Variants in VWA8 observed in about 807,000 individuals in gnomAD.
VWA8 encodes von Willebrand factor A domain-containing protein 8.
VWA8 carries 221 observed loss-of-function variants against 241.5 expected under a neutral mutation model. The observed-to-expected ratio is 0.91, with a 90% CI of 0.82 to 1.02. The LOEUF is 1.02. Ranked by LOEUF, VWA8 falls within the 50% of genes least tolerant of loss-of-function variation. The probability of loss-of-function intolerance (pLI) is 0.00; values close to 1 mark genes in which losing one functional copy is unlikely to be tolerated. For missense variants in VWA8, 2,322 were observed against 2,328.7 expected (o/e 1.00, Z 0.06); for synonymous variants, 852 against 827.1 (o/e 1.03, Z -0.52).
rs1378120667 is a variant in VWA8, at chr13:41,947,951, AAACAAAAC to A, written c.241+1977_241+1984del. On this transcript the variant is annotated intron_variant, in intron 2 of 44. Transcript: ENST00000379310. ...TGTCTCAAAAAAAAAAAAAAAAAAA[AAACAAAAC>A]AAAACATTTTGGTAATTCCTTGAAA... is the stretch of plus-strand genomic sequence containing the variant. Among the ~76,000 whole-genome samples, 195 of 130,866 alleles carry A rather than the reference AAACAAAAC, an allele frequency of 1.5e-3. 5 individuals are homozygous for A. Among genetic ancestry groups the A allele is most frequent in the Middle Eastern group, 3.8e-3 (1 of 260 alleles). The allele number at this position is 130,866 out of a possible 152,430, so 85.9% of individuals were successfully genotyped here. A position where few individuals can be genotyped will look rare whatever the true frequency, so the allele number is the denominator to read the frequency against.
rs144806444 is a variant in VWA8 at position 41,729,610 on chromosome 13, G to A, written c.2570C>T (p.Thr857Met). 480 of 1,612,952 alleles carry A rather than the reference G, an allele frequency of 3.0e-4. No individual in the cohort carries two copies. In the East Asian group the frequency reaches 9.5e-3, roughly 32 times the overall value. Residue 857 changes from threonine to methionine, a missense_variant, in exon 23 of 45, where the codon ACG (threonine) becomes ATG (methionine). Transcript: ENST00000379310. ...TTCTACTAGAGTTTTTAAAATACAC[G>A]TGACATTTGTTGGAGCTTTGTCAGC... Reference protein sequence around the residue: ...DEADKAPTNVTCILKTLVENG... With the variant: ...DEADKAPTNVMCILKTLVENG...
rs770869044 is a variant in VWA8, at chr13:41,685,242, A to T, written c.4132T>A (p.Ser1378Thr). ...TIVVGFPDLM[S>T]PSEVYSWKRP... ...TTCCAAGAATAAACTTCACTGGGTG[A>T]CTGAAAAAAAGAAAGAGATTAAAGT... The change falls in exon 35 of 45, where the codon TCA (serine) becomes ACA (threonine). Residue 1378 changes from serine (S) to threonine (T), a missense_variant and splice_region_variant. Ser to Thr is a moderately conservative substitution (Grantham distance 58). Coordinates refer to ENST00000379310, the MANE Select transcript of VWA8 (RefSeq NM_015058.2). 26 of 1,608,456 alleles carry T rather than the reference A, an allele frequency of 1.6e-5. No homozygotes were observed. Among genetic ancestry groups the T allele is most frequent in the Non-Finnish European group, 1.5e-5 (18 of 1,178,290 alleles).
At chr13:41,888,395 A>C (rs1418682640) in intron 5 of VWA8, among the ~76,000 whole-genome samples, 1 of 152,200 alleles carries the variant, frequency 6.6e-6, no homozygotes, top group Non-Finnish European at 1.5e-5. Context: ...TCCTGGCAGA[A>C]GCCCTGATTC....
Position 41,662,129 on chromosome 13 carries a change from T to A in VWA8, c.4611+8817A>T, listed in dbSNP as rs1021265316. On this transcript the variant is annotated intron_variant, in intron 37 of 44. Transcript: ENST00000379310. Reference sequence around the variant, plus strand: ...TATTTTGGTTCATTTAGTTCATTTATCTTCCCATATAAATTTTAGAGTTGG... The same window carrying A: ...TATTTTGGTTCATTTAGTTCATTTAACTTCCCATATAAATTTTAGAGTTGG... Among the ~76,000 whole-genome samples the A allele has an allele frequency of 3.9e-5, 6 of 152,226 alleles. No individual in the cohort carries two copies. In the East Asian group the frequency reaches 5.8e-4, roughly 15 times the overall value.
At chr13:41,922,207 G>T (rs1231868280) in intron 2 of VWA8, among the ~76,000 whole-genome samples, 1 of 152,138 alleles carries the variant, frequency 6.6e-6, no homozygotes, top group East Asian at 1.9e-4. Flanking sequence ...TTAATAAATG[G>T]TGCTAGGAAA....
chr13:41,876,389 T>C (rs1236232320), intron 9 of VWA8, among the ~76,000 whole-genome samples: 1 of 152,024 alleles, frequency 6.6e-6, no homozygotes, highest in Admixed American at 6.6e-5. Context: ...CTTCACTCAC[T>C]CTGCCCCAAT....
intron 37 of VWA8, among the ~76,000 whole-genome samples, chr13:41,660,608 T>G (rs1255167431): frequency 6.6e-6 from 1 of 152,172 alleles, no homozygotes; most frequent in South Asian, 2.1e-4. Context: ...ATGAGCTTAT[T>G]ACTACACAGC....
intron 4 of VWA8, among the ~76,000 whole-genome samples, chr13:41,901,969 A>C (rs1185779184): frequency 6.8e-6 from 1 of 147,550 alleles, no homozygotes; most frequent in Non-Finnish European, 1.5e-5. Flanking sequence ...AGTTCTTCTG[A>C]GTATGATAGC....
chr13:41,721,527 T>C lies in VWA8; in HGVS notation c.2807A>G (p.Glu936Gly), dbSNP rs2045391252. ...HAVDNPKPHS[E>G]LEMLRQYGPN... ...TCCATACTGTCTGAGCATCTCGAGC[T>C]CCGAGTGGGGTTTGGGGTTATCAAC... The change falls in exon 25 of 45, where the codon GAG becomes GGG. Residue 936 changes from glutamate to glycine, a missense_variant. Physicochemically the swap from Glu to Gly is moderately conservative, Grantham distance 98 (BLOSUM62 -2). Coordinates refer to ENST00000379310, the MANE Select transcript of VWA8 (RefSeq NM_015058.2). The C allele has an allele frequency of 3.3e-5, 54 of 1,613,654 alleles. No individual in the cohort carries two copies. Among genetic ancestry groups the C allele is most frequent in the Non-Finnish European group, 4.4e-5 (52 of 1,179,812 alleles).
chr13:41,858,401 T>C (rs567350853), intron 12 of VWA8, among the ~76,000 whole-genome samples: 180 of 151,952 alleles, frequency 1.2e-3, no homozygotes, highest in African/African-American at 4.2e-3. Flanking sequence ...AGGTCAGGAG[T>C]TTGAGACCAG....
At chr13:41,863,013 T>C (rs1210460013) in intron 12 of VWA8, among the ~76,000 whole-genome samples, 3 of 152,138 alleles carry the variant, frequency 2.0e-5, no homozygotes, top group Non-Finnish European at 4.4e-5. Flanking sequence ...TTGATTAGAT[T>C]GAAGGATGCA....
In VWA8 at chr13:41,625,510, C is replaced by T. The variant is rs370420019; in HGVS notation, c.4612-10426G>A. Among the ~76,000 whole-genome samples the T allele has an allele frequency of 5.8e-3, 888 of 152,148 alleles. 11 individuals are homozygous for T. The highest frequency in any genetic ancestry group is 0.017 in the South Asian group (80 of 4,816). ...TCATCATCACTGGCCGTCAGAGAAA[C>T]GCAAATCAAAACCACAATGAGATAC... On this transcript the variant is annotated intron_variant, in intron 37 of 44. Coordinates refer to ENST00000379310, the MANE Select transcript of VWA8 (RefSeq NM_015058.2).
At chr13:41,770,095 T>A (rs969777274) in intron 20 of VWA8, among the ~76,000 whole-genome samples, 2 of 152,042 alleles carry the variant, frequency 1.3e-5, no homozygotes, top group Non-Finnish European at 2.9e-5. Flanking sequence ...AGAGGCACCA[T>A]ATGAGGCAAA....
At chr13:41,822,035 G>A (rs143310987) in intron 14 of VWA8, among the ~76,000 whole-genome samples, 6 of 152,186 alleles carry the variant, frequency 3.9e-5, no homozygotes, top group Admixed American at 3.3e-4. Flanking sequence ...GGATGTCAAC[G>A]GGTCTGAGGA....
intron 37 of VWA8, among the ~76,000 whole-genome samples, chr13:41,627,083 C>A (rs1334795703): frequency 2.0e-5 from 3 of 151,792 alleles, no homozygotes; most frequent in African/African-American, 7.3e-5. Flanking sequence ...GCAAAAAAAA[C>A]AAACAACCCA....
intron 2 of VWA8, among the ~76,000 whole-genome samples, chr13:41,930,578 C>T (rs1056409773): frequency 4.5e-4 from 68 of 152,144 alleles, no homozygotes; most frequent in African/African-American, 1.6e-3. Flanking sequence ...GTCGACATGA[C>T]ACCACAGGTG....
chr13:41,932,365 G>A (rs1243431705), intron 2 of VWA8, among the ~76,000 whole-genome samples: 1 of 151,946 alleles, frequency 6.6e-6, no homozygotes, highest in African/African-American at 2.4e-5. Context: ...CTTCACTGAT[G>A]AATTCTACCA....
intron 37 of VWA8, among the ~76,000 whole-genome samples, chr13:41,619,308 C>T (rs1188042642): frequency 3.9e-5 from 6 of 152,156 alleles, no homozygotes; most frequent in Non-Finnish European, 5.9e-5. Context: ...GTGATTTTTG[C>T]ACATTGATTT....
intron 4 of VWA8, among the ~76,000 whole-genome samples, chr13:41,892,414 C>T (rs953420354): frequency 6.6e-6 from 1 of 152,140 alleles, no homozygotes; most frequent in Admixed American, 6.5e-5. Context: ...CTGTTATTCC[C>T]TCCCTTAAAA....
Sources: gnomAD v4.1 joint callset for allele counts (sites outside exome capture counted in the v4.1 genomes callset) on GRCh38, gnomAD v4.1.1 for gene constraint, MANE v1.5 for transcripts, NCBI Gene and HGNC (gene_info 2026-07-23, HGNC 2026-07-21) for gene names.